Variants in LTN1 observed in about 807,000 individuals in gnomAD.
LTN1 encodes E3 ubiquitin-protein ligase listerin.
A neutral mutation model predicts 201.2 loss-of-function variants in LTN1; 88 were observed. That is an observed-to-expected ratio of 0.44 (90% CI 0.37 to 0.52). The LOEUF (loss-of-function observed/expected upper bound fraction) is 0.52, where lower values mean the gene tolerates loss of function less well. LTN1 is among the 20% of genes least tolerant of loss of function. The pLI is 0.00. For synonymous variants in LTN1, 645 were observed against 713.5 expected (o/e 0.90, Z 1.53); for missense variants, 1,752 against 2,038.7 (o/e 0.86, Z 2.71).
intron 6 of LTN1, among the ~76,000 whole-genome samples, chr21:28,977,927 C>CAA (rs56303862): frequency 8.4e-5 from 10 of 119,652 alleles, no homozygotes; most frequent in Admixed American, 1.7e-4. Context: ...GACTCTGTCT[C>CAA]AAAAAAAAAA....
intron 7 of LTN1, 77 bp from the exon 8 acceptor site, chr21:28,970,819 G>T: frequency 8.8e-7 from 1 of 1,130,960 alleles, no homozygotes; most frequent in Non-Finnish European, 1.2e-6. Flanking sequence ...AAACATATAG[G>T]CTCTCAAAAA....
intron 21 of LTN1, 23 bp downstream of exon 21, chr21:28,945,784 G>A (rs747967007): frequency 6.2e-7 from 1 of 1,603,872 alleles, no homozygotes; most frequent in South Asian, 1.1e-5. Flanking sequence ...CACAAGAGGT[G>A]ATGACATATC....
At chr21:28,958,642 C>G in intron 13 of LTN1, 103 bp from the exon 14 acceptor site, 1 of 844,020 alleles carries the variant, frequency 1.2e-6, no homozygotes, top group Non-Finnish European at 1.8e-6. Flanking sequence ...TTTTTAAATA[C>G]CATTTAAAAA....
chr21:28,987,913 G>A (rs2084710800), intron 1 of LTN1, among the ~76,000 whole-genome samples: 1 of 151,990 alleles, frequency 6.6e-6, no homozygotes, highest in South Asian at 2.1e-4. Context: ...GAAGGCCAAG[G>A]CGGGCAGATC....
At chr21:28,934,650 T>C (rs2084239514) in intron 27 of LTN1, among the ~76,000 whole-genome samples, 1 of 152,018 alleles carries the variant, frequency 6.6e-6, no homozygotes, top group Admixed American at 6.6e-5. Flanking sequence ...AGAGATGGGG[T>C]TTCACCATGT....
intron 27 of LTN1, among the ~76,000 whole-genome samples, chr21:28,933,595 T>G (rs2084228900): frequency 6.6e-6 from 1 of 152,282 alleles, no homozygotes; most frequent in East Asian, 1.9e-4. Context: ...CTGCATTATT[T>G]ATCATTTCCT....
chr21:28,939,564 T>A (rs562336520), intron 25 of LTN1, among the ~76,000 whole-genome samples: 1 of 152,288 alleles, frequency 6.6e-6, no homozygotes, highest in Non-Finnish European at 1.5e-5. Flanking sequence ...AGGATTCATC[T>A]AATTAGTATT....
chr21:28,954,246 T>C (rs2084406731), intron 16 of LTN1, among the ~76,000 whole-genome samples: 1 of 152,202 alleles, frequency 6.6e-6, no homozygotes. Flanking sequence ...CTTAACTAAA[T>C]GTGAAGGTGG....
At chr21:28,943,392 T>C in intron 23 of LTN1, 56 bp from the exon 24 acceptor site, 1 of 1,096,518 alleles carries the variant, frequency 9.1e-7, no homozygotes. Flanking sequence ...TATTAAGTCG[T>C]GCTCAAGAGC....
At position 28,992,748 on chromosome 21, in the gene LTN1, G is replaced by A. The variant is rs2084757794; in HGVS notation, c.42+16C>T. On this transcript the variant is annotated intron_variant, in intron 1 of 29. Transcript: ENST00000361371. ...GAAGCGAGGCTCCCGGGTCGGCCGA[G>A]CCAGCCCCCGCTCACCCTCAGGTTC... 5 of 1,613,776 alleles carry A rather than the reference G, an allele frequency of 3.1e-6. No individual in the cohort carries two copies. The highest frequency in any genetic ancestry group is 1.1e-5 in the South Asian group (1 of 91,086).
At chr21:28,972,545 G>C (rs541139999) in intron 6 of LTN1, among the ~76,000 whole-genome samples, 42 of 152,230 alleles carry the variant, frequency 2.8e-4, no homozygotes, top group Non-Finnish European at 5.0e-4. Flanking sequence ...AGCCTGAATG[G>C]ACTAAGACAG....
At chr21:28,981,619 G>C (rs903590180) in intron 5 of LTN1, among the ~76,000 whole-genome samples, 3 of 151,708 alleles carry the variant, frequency 2.0e-5, no homozygotes, top group Non-Finnish European at 4.4e-5. Flanking sequence ...TTTCCCTCAA[G>C]GACTCTTAAA....
chr21:28,960,336 G>A (rs564016334), intron 12 of LTN1, among the ~76,000 whole-genome samples, 181 bp downstream of exon 12: 2 of 145,870 alleles, frequency 1.4e-5, no homozygotes, highest in Non-Finnish European at 3.0e-5. Flanking sequence ...CAGCCTAGAC[G>A]ACAGAGGGAG....
At position 28,946,239 on chromosome 21, in the gene LTN1, C is replaced by T. The variant is rs201576214; in HGVS notation, c.3536G>A (p.Ser1179Asn). ...ATGTAATAGCTCTCCATCATCTATACTTTTGGTTTGCAGACAAGAATTGAA... is the reference window on the plus strand; with the variant it reads ...ATGTAATAGCTCTCCATCATCTATATTTTTGGTTTGCAGACAAGAATTGAA... ...AIFNSCLQTK[S>N]IDDGELLHGI... Residue 1179 changes from serine to asparagine, a missense_variant, in exon 20 of 30, where the codon AGT (serine) becomes AAT (asparagine). Ser to Asn is a conservative substitution (Grantham distance 46, BLOSUM62 1). This residue lies in a region of LTN1 where 1,211 missense variants were observed against 1,312.8 expected (regional missense o/e 0.92). Coordinates refer to ENST00000361371, the MANE Select transcript of LTN1 (RefSeq NM_015565.3). The T allele has an allele frequency of 6.4e-5, 101 of 1,587,532 alleles. No individual in the cohort carries two copies. Among genetic ancestry groups the T allele is most frequent in the Non-Finnish European group, 8.4e-5 (98 of 1,170,428 alleles).
rs771256311 is a variant in LTN1 at position 28,966,408 on chromosome 21, C to G, written c.2083G>C (p.Asp695His). Residue 695 changes from aspartate (D) to histidine (H), a missense_variant, in exon 10 of 30, where the codon GAT (aspartate) becomes CAT (histidine). Around this residue, in one of 3 missense-constraint regions of LTN1, gnomAD observed 1,211 missense variants for 1,312.8 expected, o/e 0.92. Coordinates refer to ENST00000361371, the MANE Select transcript of LTN1 (RefSeq NM_015565.3). ...TCCAAGACTTTTTTTCTTTCCATAT[C>G]ATTGTCACAGCACCGGAGAGCACTG... The part of the protein sequence containing the change: ...LYSALRCCDN[D>H]MERKKVLDDL... The G allele has an allele frequency of 6.2e-7, 1 of 1,611,282 alleles. No individual in the cohort carries two copies. The highest frequency in any genetic ancestry group is 1.7e-5 in the Admixed American group (1 of 59,330).
Position 28,952,272 on chromosome 21 carries a change from A to T in LTN1, c.3240-8T>A. On this transcript the variant is annotated splice_polypyrimidine_tract_variant and splice_region_variant and intron_variant, in intron 17 of 29. Transcript: ENST00000361371. ...GTGCCATGTTCTCTGGACCTGAAAA[A>T]GGAAAGAAAAAAATTATATTCCGTT... 6.6e-7 allele frequency: 1 copy of T among 1,510,948 alleles called. No individual in the cohort carries two copies. The highest frequency in any genetic ancestry group is 9.0e-7 in the Non-Finnish European group (1 of 1,105,110). The allele number at this position is 1,510,948 out of a possible 1,614,324, so 93.6% of individuals were successfully genotyped here. A position where few individuals can be genotyped will look rare whatever the true frequency, so the allele number is the denominator to read the frequency against.
At chr21:28,977,333 C>T (rs574718951) in intron 6 of LTN1, among the ~76,000 whole-genome samples, 12 of 146,066 alleles carry the variant, frequency 8.2e-5, no homozygotes, top group Admixed American at 4.1e-4. Flanking sequence ...GAGATCATGA[C>T]GCTGCATTCC....
chr21:28,950,540 G>A (rs1213882189), intron 18 of LTN1, among the ~76,000 whole-genome samples: 1 of 152,108 alleles, frequency 6.6e-6, no homozygotes, highest in Non-Finnish European at 1.5e-5. Context: ...TTTTGAGACT[G>A]GGTCTCACTC....
At chr21:28,964,577 G>A (rs1238108694) in intron 11 of LTN1, 9 of 1,520,426 alleles carry the variant, frequency 5.9e-6, no homozygotes, top group African/African-American at 1.4e-5. Context: ...CTGAACTTAC[G>A]ATGTCTCTGA....
Sources: gnomAD v4.1 joint callset for allele counts (sites outside exome capture counted in the v4.1 genomes callset) on GRCh38, gnomAD v4.1.1 for gene constraint, gnomAD v4.1.1 regional missense constraint, MANE v1.5 for transcripts, NCBI Gene and HGNC (gene_info 2026-07-23, HGNC 2026-07-21) for gene names.